RBFOX1: variants seen among roughly 807,000 people sequenced by gnomAD.
RBFOX1 encodes the protein RNA binding protein fox-1 homolog 1.
In RBFOX1, 8 loss-of-function variants were observed where a neutral mutation model predicts 57.7. The ratio of observed to expected loss-of-function variants is 0.14; its 90% CI spans 0.08 to 0.25. RBFOX1 has a LOEUF of 0.25. Ranked by LOEUF, RBFOX1 falls within the 10% of genes least tolerant of loss-of-function variation. The pLI, the probability that RBFOX1 is intolerant of heterozygous loss-of-function variation, is 1.00. For missense variants in RBFOX1, 611 were observed against 548.5 expected (o/e 1.11, Z -1.14); for synonymous variants, 326 against 222.4 (o/e 1.47, Z -4.15).
intron 3 of RBFOX1, among the ~76,000 whole-genome samples, chr16:5,696,403 A>G (rs1442476921): frequency 6.6e-6 from 1 of 152,146 alleles, no homozygotes; most frequent in African/African-American, 2.4e-5. Context: ...TTTGTTAACC[A>G]TTTTCCTACT....
At chr16:5,853,354 G>A (rs1412678098) in intron 3 of RBFOX1, among the ~76,000 whole-genome samples, 3 of 152,192 alleles carry the variant, frequency 2.0e-5, no homozygotes, top group African/African-American at 4.8e-5. Context: ...AAAGAGAGGA[G>A]AAAACAAAGC....
chr16:5,969,993 C>T (rs1208812118), intron 4 of RBFOX1, among the ~76,000 whole-genome samples: 1 of 152,086 alleles, frequency 6.6e-6, no homozygotes, highest in African/African-American at 2.4e-5. Context: ...GTTGTGTTCA[C>T]TCACCGTTGG....
chr16:7,397,547 G>T (rs1347673569), intron 4 of RBFOX1, among the ~76,000 whole-genome samples: 8 of 152,166 alleles, frequency 5.3e-5, no homozygotes, highest in African/African-American at 1.7e-4. Flanking sequence ...GTTTTTTTCT[G>T]AACTTTGAAA....
rs144946757 is a variant in RBFOX1, at chr16:6,767,442, A to G, written c.-16+112792A>G. On this transcript the variant is annotated intron_variant, in intron 3 of 15. Coordinates refer to ENST00000550418, the MANE Select transcript of RBFOX1 (RefSeq NM_018723.4). ...GAATGTAGCCCTGCTGCAATCTATA[A>G]TTATCCTGAGGTTTTTCACTTATGT... Among the ~76,000 whole-genome samples, 248 of 152,264 alleles carry G rather than the reference A, an allele frequency of 1.6e-3. 5 individuals carry two copies. In the East Asian group the frequency reaches 0.036, roughly 22 times the overall value.
intron 1 of RBFOX1, among the ~76,000 whole-genome samples, chr16:5,381,557 C>T (rs559518205): frequency 6.6e-6 from 1 of 152,286 alleles, no homozygotes; most frequent in African/African-American, 2.4e-5. Flanking sequence ...ATGAAGAGGT[C>T]AAGGCATAGG....
At chr16:6,915,053 G>T (rs2072768163) in intron 3 of RBFOX1, among the ~76,000 whole-genome samples, 1 of 152,212 alleles carries the variant, frequency 6.6e-6, no homozygotes, top group African/African-American at 2.4e-5. Flanking sequence ...GATGAAGGAT[G>T]CAGAACATTC....
chr16:6,926,923 G>C (rs1487480357), intron 3 of RBFOX1, among the ~76,000 whole-genome samples: 3 of 152,134 alleles, frequency 2.0e-5, no homozygotes, highest in African/African-American at 7.2e-5. Context: ...CCTGGGTTTT[G>C]TTGTCACTGC....
intron 4 of RBFOX1, among the ~76,000 whole-genome samples, chr16:7,462,359 A>G (rs1453944381): frequency 1.3e-5 from 2 of 152,188 alleles, no homozygotes; most frequent in Non-Finnish European, 2.9e-5. Context: ...GCCTGGTATG[A>G]TGGTGGGCTC....
At position 5,911,213 on chromosome 16, in the gene RBFOX1, G is replaced by C. The variant is rs879487207; in HGVS notation, c.351+43878G>C. On this transcript the variant is annotated intron_variant, in intron 4 of 19. Transcript: ENST00000641259. ...CCATTTGGCTTGCTGGATCCACCCT[G>C]TTCTCTAGGGCCTCCCACTTGAGGT... Among the ~76,000 whole-genome samples the C allele has an allele frequency of 2.6e-5, 4 of 152,144 alleles. No individual in the cohort carries two copies. In the South Asian group the frequency reaches 8.3e-4, roughly 31 times the overall value.
intron 2 of RBFOX1, among the ~76,000 whole-genome samples, chr16:6,440,125 C>G (rs183228166): frequency 5.3e-5 from 8 of 151,788 alleles, no homozygotes; most frequent in Admixed American, 3.9e-4. Flanking sequence ...TTAGTAGAGA[C>G]GGGGCTTCAC....
In RBFOX1 at chr16:6,991,388, A is replaced by C. The variant is rs141735849; in HGVS notation, c.-15-60669A>C. On this transcript the variant is annotated intron_variant, in intron 3 of 15. Coordinates refer to ENST00000550418, the MANE Select transcript of RBFOX1 (RefSeq NM_018723.4). ...CTGGACAGGATGCCTGGGAGACATTAATAAGCAACATTCCGTTTGGGCCTC... is the reference window on the plus strand; with the variant it reads ...CTGGACAGGATGCCTGGGAGACATTCATAAGCAACATTCCGTTTGGGCCTC... Among the ~76,000 whole-genome samples, 7 of 152,310 alleles carry C rather than the reference A, an allele frequency of 4.6e-5. No homozygotes were observed. The East Asian group carries it at 1.4e-3, about 29-fold the overall frequency.
intron 4 of RBFOX1, among the ~76,000 whole-genome samples, chr16:7,379,059 C>G (rs2097737666): frequency 6.6e-6 from 1 of 152,190 alleles, no homozygotes; most frequent in African/African-American, 2.4e-5. Flanking sequence ...CAGTACTTAT[C>G]TCATAGAAAT....
At chr16:6,413,265 G>A (rs1280127050) in intron 2 of RBFOX1, among the ~76,000 whole-genome samples, 1 of 150,898 alleles carries the variant, frequency 6.6e-6, no homozygotes, top group Non-Finnish European at 1.5e-5. Context: ...GTTGTGGTGA[G>A]CTGAGATGGT....
At chr16:5,703,913 A>G (rs1449819406) in intron 3 of RBFOX1, among the ~76,000 whole-genome samples, 2 of 152,208 alleles carry the variant, frequency 1.3e-5, no homozygotes, top group Non-Finnish European at 2.9e-5. Flanking sequence ...AAAATTTTAC[A>G]GAAATTTACA....
At position 6,513,455 on chromosome 16, in the gene RBFOX1, C is replaced by T. The variant is rs148895462; in HGVS notation, c.-63-141148C>T. Among the ~76,000 whole-genome samples, 356 of 152,182 alleles carry T rather than the reference C, an allele frequency of 2.3e-3. 1 individual carries two copies. The highest frequency in any genetic ancestry group is 7.9e-3 in the African/African-American group (328 of 41,530). ...TGTAAAAGTTTGGAGACCATGAGGC[C>T]GGGCGCGGTGGCTCACGTCTGTAAT... On this transcript the variant is annotated intron_variant, in intron 2 of 15. Transcript: ENST00000550418.
chr16:6,209,791 C>T (rs1329084449), intron 1 of RBFOX1, among the ~76,000 whole-genome samples: 4 of 152,064 alleles, frequency 2.6e-5, no homozygotes, highest in Non-Finnish European at 4.4e-5. Flanking sequence ...GTTCTTCCAG[C>T]CTGAGAGGTT....
At chr16:7,416,870 C>T (rs970114573) in intron 4 of RBFOX1, among the ~76,000 whole-genome samples, 2 of 152,048 alleles carry the variant, frequency 1.3e-5, no homozygotes, top group African/African-American at 2.4e-5. Context: ...CTCATTCAAT[C>T]CCCGACAACA....
chr16:7,166,080 C>T (rs894711401), intron 4 of RBFOX1, among the ~76,000 whole-genome samples: 1 of 152,046 alleles, frequency 6.6e-6, no homozygotes, highest in South Asian at 2.1e-4. Context: ...GTGGATTGAT[C>T]TCAGCCCACT....
chr16:7,421,558 G>A (rs2098543033), intron 4 of RBFOX1, among the ~76,000 whole-genome samples: 1 of 152,198 alleles, frequency 6.6e-6, no homozygotes, highest in Admixed American at 6.5e-5. Context: ...TTACTGCTCT[G>A]AGCGTACCTA....
Sources: allele counts gnomAD v4.1 joint callset (sites outside exome capture counted in the v4.1 genomes callset), GRCh38; gene constraint gnomAD v4.1.1; transcripts MANE v1.5; gene names NCBI Gene and HGNC (gene_info 2026-07-23, HGNC 2026-07-21).